SHISA9: variants seen among roughly 807,000 people sequenced by gnomAD.
The protein encoded by SHISA9 is protein shisa-9.
Under a neutral mutation model 38.0 loss-of-function variants are expected in SHISA9, and 13 were observed. The observed-to-expected ratio is 0.34, with a 90% CI of 0.22 to 0.54. The LOEUF (loss-of-function observed/expected upper bound fraction) is 0.54, where lower values mean the gene tolerates loss of function less well. Ranked by LOEUF, SHISA9 falls within the 20% of genes least tolerant of loss-of-function variation. SHISA9 has a pLI of 0.91. For synonymous variants in SHISA9, 275 were observed against 242.0 expected (o/e 1.14, Z -1.27); for missense variants, 538 against 575.8 (o/e 0.93, Z 0.67).
intron 2 of SHISA9, among the ~76,000 whole-genome samples, chr16:13,172,515 T>G (rs1316431294): frequency 6.6e-6 from 1 of 152,220 alleles, no homozygotes; most frequent in Non-Finnish European, 1.5e-5. Flanking sequence ...TTGACTTTGG[T>G]CTTGACTATT....
chr16:13,456,886 C>T, the SHISA9 span, among the ~76,000 whole-genome samples: 3 of 149,258 alleles, frequency 2.0e-5, no homozygotes, highest in Non-Finnish European at 4.4e-5. Context: ...TAACACCATC[C>T]ATGACTCCAT....
chr16:13,144,473 C>T (rs750194527), intron 2 of SHISA9, among the ~76,000 whole-genome samples: 5 of 152,030 alleles, frequency 3.3e-5, no homozygotes, highest in Non-Finnish European at 7.4e-5. Flanking sequence ...TGAACATCAC[C>T]TATCTCTGCT....
intron 2 of SHISA9, among the ~76,000 whole-genome samples, chr16:13,181,353 AAAAG>A (rs1402094536): frequency 1.4e-5 from 2 of 147,898 alleles, no homozygotes; most frequent in African/African-American, 5.0e-5. Context: ...GCAAAGTACA[AAAAG>A]ATGAATGGGA....
rs568505352 is a variant in SHISA9 at position 12,916,697 on chromosome 16, G to A, written c.573G>A (p.Ala191=). ...PQREHMSRAL[A]DVMRPQGHCN... Reference sequence around the variant, plus strand: ...TTCTTTCTTCTTTCAGGGCCCTTGCGGATGTCATGAGACCACAGGGCCACT... The same window carrying A: ...TTCTTTCTTCTTTCAGGGCCCTTGCAGATGTCATGAGACCACAGGGCCACT... The change falls in exon 2 of 5, where the codon GCG becomes GCA. Residue 191 remains alanine (A), a synonymous_variant. Transcript: ENST00000558583. The A allele has an allele frequency of 2.1e-5, 33 of 1,550,146 alleles. No individual in the cohort carries two copies. In the South Asian group the frequency reaches 3.0e-4, roughly 14 times the overall value.
At chr16:13,316,857 C>T in the SHISA9 span, among the ~76,000 whole-genome samples, 1 of 152,162 alleles carries the variant, frequency 6.6e-6, no homozygotes, top group East Asian at 1.9e-4. Context: ...CAAAGTTAAA[C>T]AGTCAGTAAG....
chr16:13,546,989 G>A, the SHISA9 span, among the ~76,000 whole-genome samples: 3 of 152,068 alleles, frequency 2.0e-5, no homozygotes, highest in African/African-American at 7.2e-5. Context: ...TCCTCACCCT[G>A]GGCCAACATT....
At chr16:12,910,513 AG>A in intron 1 of SHISA9, 1 of 985,454 alleles carries the variant, frequency 1.0e-6, no homozygotes, top group Non-Finnish European at 1.2e-6. Context: ...TACTGGTTCT[AG>A]TACTAGCTTT....
chr16:13,357,822 G>T, the SHISA9 span, among the ~76,000 whole-genome samples: 2,498 of 151,560 alleles, frequency 0.016, 26 homozygotes, highest in Middle Eastern at 0.048. Flanking sequence ...AAGGTGCTCA[G>T]TGGGGGTGCT....
the SHISA9 span, among the ~76,000 whole-genome samples, chr16:13,297,563 A>G: frequency 1.3e-5 from 2 of 152,154 alleles, no homozygotes; most frequent in African/African-American, 4.8e-5. Flanking sequence ...TATATTTAGG[A>G]GAAGGGATTC....
At chr16:12,957,498 AG>A (rs2071851764) in intron 2 of SHISA9, among the ~76,000 whole-genome samples, 1 of 152,154 alleles carries the variant, frequency 6.6e-6, no homozygotes, top group South Asian at 2.1e-4. Context: ...GGGAGCAGAG[AG>A]GGAAGTAACC....
rs765109896 is a variant in SHISA9 at position 12,913,831 on chromosome 16, AG to A, written c.564-2855del. ...TTTCAAGATTCATTTACGTTGTAGC[AG>A]GTACTAGTGCTTCATTTCTTTGTAC... On this transcript the variant is annotated intron_variant, in intron 1 of 4. Coordinates refer to ENST00000558583, the MANE Select transcript of SHISA9 (RefSeq NM_001145204.3). 1.9e-4 allele frequency among the ~76,000 whole-genome samples: 29 copies of A among 152,020 alleles called. 1 individual carries two copies. The highest frequency in any genetic ancestry group is 3.8e-4 in the Non-Finnish European group (26 of 68,022).
intron 2 of SHISA9, among the ~76,000 whole-genome samples, chr16:13,049,523 T>A (rs1300977684): frequency 1.3e-5 from 2 of 152,110 alleles, no homozygotes; most frequent in Non-Finnish European, 2.9e-5. Context: ...TGTGGTTATT[T>A]CCCCCACTGA....
the SHISA9 span, among the ~76,000 whole-genome samples, chr16:13,546,767 T>G: frequency 6.6e-6 from 1 of 152,204 alleles, no homozygotes; most frequent in East Asian, 1.9e-4. Context: ...CATTTTTACA[T>G]GTTCATGGCT....
chr16:13,554,225 G>A, the SHISA9 span, among the ~76,000 whole-genome samples: 1 of 150,994 alleles, frequency 6.6e-6, no homozygotes, highest in African/African-American at 2.4e-5. Context: ...ACATACTCCA[G>A]GAAGCCATTC....
the SHISA9 span, among the ~76,000 whole-genome samples, chr16:13,491,295 C>A: frequency 6.6e-6 from 1 of 151,810 alleles, no homozygotes; most frequent in African/African-American, 2.4e-5. Flanking sequence ...GTGCCAGTAG[C>A]CACAAAACTA....
intron 2 of SHISA9, among the ~76,000 whole-genome samples, chr16:13,015,854 C>CTTTCTTTCTTTCTTTCTTTA (rs1567182292): frequency 1.3e-4 from 2 of 15,104 alleles, no homozygotes; most frequent in Non-Finnish European, 2.2e-4. Flanking sequence ...CTTTCTTTCC[C>CTTTCTTTCTTTCTTTCTTTA]TTTCTTTCTT....
the SHISA9 span, among the ~76,000 whole-genome samples, chr16:13,334,273 G>A: frequency 2.0e-5 from 3 of 152,262 alleles, no homozygotes; most frequent in East Asian, 5.8e-4. Context: ...GTGGTTATTG[G>A]TGCAGATGTC....
At chr16:13,208,341 G>A (rs2051085478) in intron 3 of SHISA9, among the ~76,000 whole-genome samples, 1 of 151,910 alleles carries the variant, frequency 6.6e-6, no homozygotes, top group Admixed American at 6.6e-5. Context: ...CCCCAAACCT[G>A]CCTTCCTTTC....
At chr16:13,187,140 G>A (rs1006446915) in intron 2 of SHISA9, among the ~76,000 whole-genome samples, 7 of 152,062 alleles carry the variant, frequency 4.6e-5, no homozygotes, top group African/African-American at 1.7e-4. Flanking sequence ...ATGTGCCCTA[G>A]CAGACTCTGG....
Sources: allele counts gnomAD v4.1 joint callset (sites outside exome capture counted in the v4.1 genomes callset), GRCh38; gene constraint gnomAD v4.1.1; transcripts MANE v1.5; gene names NCBI Gene and HGNC (gene_info 2026-07-23, HGNC 2026-07-21).